PDE11A: variants seen among roughly 807,000 people sequenced by gnomAD.
PDE11A encodes the protein dual 3',5'-cyclic-AMP and -GMP phosphodiesterase 11A.
In PDE11A, 100 loss-of-function variants were observed where a neutral mutation model predicts 100.5. That is an observed-to-expected ratio of 1.00 (90% CI 0.85 to 1.18). The LOEUF (loss-of-function observed/expected upper bound fraction) is 1.18. Among genes scored for constraint, PDE11A ranks in the 50% most tolerant of loss-of-function variants. The pLI, the probability that PDE11A is intolerant of heterozygous loss-of-function variation, is 0.00. For synonymous variants in PDE11A, 381 were observed against 420.8 expected, an observed-to-expected ratio of 0.91 and a Z score of 1.16; for missense variants, 1,141 against 1,152.6, an observed-to-expected ratio of 0.99 and a Z score of 0.15.
At chr2:178,077,765 T>A (rs1477170032), upstream of PDE11A, among the ~76,000 whole-genome samples, 1 of 152,104 alleles carries the variant, frequency 6.6e-6, no homozygotes, top group Non-Finnish European at 1.5e-5. Context: ...GACACTTTCC[T>A]TATAATATAT....
At chr2:177,673,923 G>C (rs72945354) in intron 17 of PDE11A, among the ~76,000 whole-genome samples, 2 of 152,128 alleles carry the variant, frequency 1.3e-5, no homozygotes, top group Admixed American at 6.5e-5. Context: ...GGTAGTGGCT[G>C]TTCCTTCAGC....
intron 2 of PDE11A, among the ~76,000 whole-genome samples, chr2:178,008,976 T>TG (rs1292830171): frequency 6.6e-6 from 1 of 152,196 alleles, no homozygotes; most frequent in Non-Finnish European, 1.5e-5. Context: ...GCTAATACAT[T>TG]GGCTGTTGGA....
At chr2:177,818,322 T>C (rs2105582815) in intron 7 of PDE11A, among the ~76,000 whole-genome samples, 1 of 142,224 alleles carries the variant, frequency 7.0e-6, no homozygotes, top group Middle Eastern at 3.7e-3. Flanking sequence ...TATATATATA[T>C]ATATATCATA....
chr2:177,796,715 C>T (rs2082712573), intron 9 of PDE11A, among the ~76,000 whole-genome samples: 1 of 152,138 alleles, frequency 6.6e-6, no homozygotes, highest in South Asian at 2.1e-4. Context: ...ATGTCAGTTT[C>T]TTACTTGGCC....
chr2:177,765,353 C>T (rs1403676367), intron 10 of PDE11A, among the ~76,000 whole-genome samples: 1 of 152,162 alleles, frequency 6.6e-6, no homozygotes, highest in African/African-American at 2.4e-5. Flanking sequence ...CCTTTAGGCC[C>T]CACAATCTCT....
At chr2:178,055,045 C>T (rs1250966835) in intron 1 of PDE11A, among the ~76,000 whole-genome samples, 2 of 152,120 alleles carry the variant, frequency 1.3e-5, no homozygotes, top group Admixed American at 1.3e-4. Context: ...GACACATGCA[C>T]ATGTATGTTT....
intron 9 of PDE11A, among the ~76,000 whole-genome samples, chr2:177,807,039 A>T (rs1234710893): frequency 2.0e-5 from 3 of 152,162 alleles, no homozygotes; most frequent in African/African-American, 7.2e-5. Context: ...AATCAATGAA[A>T]GTTATCAACT....
chr2:177,815,774 T>C (rs2083028333), intron 9 of PDE11A, among the ~76,000 whole-genome samples: 1 of 152,258 alleles, frequency 6.6e-6, no homozygotes, highest in Admixed American at 6.5e-5. Context: ...GCCTACTTCT[T>C]ATATCTGGCT....
chr2:178,018,913 C>A (rs545870224), intron 1 of PDE11A, among the ~76,000 whole-genome samples: 3 of 152,272 alleles, frequency 2.0e-5, no homozygotes, highest in African/African-American at 7.2e-5. Context: ...AACTGAGTCC[C>A]ATTTTCTGGT....
chr2:177,888,418 A>C (rs149606784), intron 4 of PDE11A, among the ~76,000 whole-genome samples: 14 of 152,328 alleles, frequency 9.2e-5, no homozygotes, highest in African/African-American at 3.1e-4. Context: ...GGTTATACAC[A>C]TACTGCTTTA....
At chr2:178,042,527 C>G (rs938845103) in intron 1 of PDE11A, among the ~76,000 whole-genome samples, 7 of 151,456 alleles carry the variant, frequency 4.6e-5, no homozygotes, top group African/African-American at 1.7e-4. Context: ...TATATTTGAT[C>G]TATTTCATGT....
intron 5 of PDE11A, among the ~76,000 whole-genome samples, chr2:177,851,834 T>C (rs992620028): frequency 6.6e-6 from 1 of 152,148 alleles, no homozygotes; most frequent in African/African-American, 2.4e-5. Flanking sequence ...TTGTATGGAT[T>C]ATTTCATCAC....
chr2:177,911,569 A>C (rs999849072), intron 2 of PDE11A, among the ~76,000 whole-genome samples: 12 of 152,212 alleles, frequency 7.9e-5, no homozygotes, highest in African/African-American at 2.9e-4. Context: ...AGATACAAAT[A>C]AATATAAAAC....
intron 10 of PDE11A, among the ~76,000 whole-genome samples, chr2:177,757,151 T>A (rs185287237): frequency 3.0e-4 from 46 of 152,232 alleles, no homozygotes; most frequent in African/African-American, 1.1e-3. Context: ...AATAGTAGGG[T>A]TTTTGTGAAG....
intron 5 of PDE11A, among the ~76,000 whole-genome samples, chr2:177,874,671 A>T (rs367975230): frequency 1.3e-5 from 2 of 152,234 alleles, no homozygotes; most frequent in African/African-American, 4.8e-5. Context: ...TTATTGGCCA[A>T]TTATGGACAA....
At chr2:178,097,975 GA>G (rs765571623) in intron 2 of PDE11A, among the ~76,000 whole-genome samples, 4 of 152,172 alleles carry the variant, frequency 2.6e-5, no homozygotes, top group African/African-American at 4.8e-5. Context: ...AGGAGATAGT[GA>G]AATTGATCAA....
At chr2:177,861,729 AT>A (rs1370267809) in intron 5 of PDE11A, among the ~76,000 whole-genome samples, 10 of 151,950 alleles carry the variant, frequency 6.6e-5, no homozygotes, top group African/African-American at 1.4e-4. Flanking sequence ...AGACATACAG[AT>A]TAATGGAGTA....
intron 10 of PDE11A, among the ~76,000 whole-genome samples, chr2:177,748,062 G>A (rs182363845): frequency 1.4e-4 from 21 of 152,182 alleles, no homozygotes; most frequent in African/African-American, 3.4e-4. Context: ...TTCTTAGATT[G>A]GACTCTAATT....
At chr2:177,988,263 A>G (rs2085963820) in intron 2 of PDE11A, among the ~76,000 whole-genome samples, 1 of 152,228 alleles carries the variant, frequency 6.6e-6, no homozygotes, top group Non-Finnish European at 1.5e-5. Flanking sequence ...GCCAACACAA[A>G]TAAGAAACTC....
Sources: allele counts gnomAD v4.1 joint callset (sites outside exome capture counted in the v4.1 genomes callset), GRCh38; gene constraint gnomAD v4.1.1; transcripts MANE v1.5; gene names NCBI Gene and HGNC (gene_info 2026-07-23, HGNC 2026-07-21).